The following CFAP46 variants were observed in gnomAD, a reference collection of about 807,000 sequenced individuals.
CFAP46 encodes the protein cilia- and flagella-associated protein 46.
A neutral mutation model predicts 325.7 loss-of-function variants in CFAP46; 245 were observed. The ratio of observed to expected loss-of-function variants is 0.75; its 90% confidence interval spans 0.68 to 0.84. The LOEUF is 0.84. Ranked by LOEUF, CFAP46 falls within the 40% of genes least tolerant of loss-of-function variation. The pLI is 0.00. For synonymous variants in CFAP46, 1,523 were observed against 1,495.9 expected (o/e 1.02, Z -0.42); for missense variants, 3,346 against 3,543.0 (o/e 0.94, Z 1.41).
At chr10:132,900,437 C>A (rs1024517995) in intron 22 of CFAP46, among the ~76,000 whole-genome samples, 2 of 152,260 alleles carry the variant, frequency 1.3e-5, no homozygotes, top group Non-Finnish European at 2.9e-5. Flanking sequence ...CACGCCCTTG[C>A]GGCTCAGCTC....
chr10:132,909,555 C>T (rs1381923029), intron 20 of CFAP46, among the ~76,000 whole-genome samples: 1 of 152,154 alleles, frequency 6.6e-6, no homozygotes, highest in Non-Finnish European at 1.5e-5. Context: ...ACACCTGGAC[C>T]CTCCCCGCCT....
At position 132,908,640 on chromosome 10, in the gene CFAP46, G is replaced by A. The variant is rs137975095; in HGVS notation, c.2758-6C>T. On this transcript the variant is annotated splice_region_variant and splice_polypyrimidine_tract_variant and intron_variant, in intron 21 of 57. Transcript: ENST00000368586. ...TCGGAAGCCATTTTCACCAACTTCC[G>A]GTGGGTGGCAAGAGAAGGGGCACCG... The A allele has an allele frequency of 9.9e-5, 152 of 1,528,610 alleles. No individual in the cohort carries two copies. In the African/African-American group the frequency reaches 1.5e-3, roughly 15 times the overall value. The allele number at this position is 1,528,610 out of a possible 1,614,324, so 94.7% of individuals were successfully genotyped here.
In CFAP46 at chr10:132,884,328, C is replaced by A. The variant is rs1399575304; in HGVS notation, c.3627+775G>T. Among the ~76,000 whole-genome samples the A allele has an allele frequency of 6.6e-6, 1 of 152,206 alleles. No homozygotes were observed. The highest frequency in any genetic ancestry group is 2.4e-5 in the African/African-American group (1 of 41,448). ...CCCTGAGCCGGCACTCACACAGCACCGTCAGAGACCCCCAACCATCCTCAG... is the reference window on the plus strand; with the variant it reads ...CCCTGAGCCGGCACTCACACAGCACAGTCAGAGACCCCCAACCATCCTCAG... On this transcript the variant is annotated intron_variant, in intron 27 of 57. Transcript: ENST00000368586. This position sits in a 1 kb window ranked among gnomAD's most constrained non-coding sequence, Gnocchi z 5.4.
rs1263819192 is a variant in CFAP46, at chr10:132,817,609, C to G, written c.7118-2695G>C. Among the ~76,000 whole-genome samples, 1 of 152,230 alleles carries G rather than the reference C, an allele frequency of 6.6e-6. No homozygotes were observed. Among genetic ancestry groups the G allele is most frequent in the Non-Finnish European group, 1.5e-5 (1 of 68,042 alleles). Reference sequence around the variant, plus strand: ...TATTTGTTGGGAGTTTGCACACCGACTCTCTGGTGGTGTCCTTAGCGCTTT... The same window carrying G: ...TATTTGTTGGGAGTTTGCACACCGAGTCTCTGGTGGTGTCCTTAGCGCTTT... On this transcript the variant is annotated intron_variant, in intron 50 of 57. Transcript: ENST00000368586. The surrounding 1 kb of genome is among the most constrained non-coding windows in gnomAD (Gnocchi z 4.4).
chr10:132,848,729 G>T (rs976013364), intron 41 of CFAP46, among the ~76,000 whole-genome samples: 1 of 152,186 alleles, frequency 6.6e-6, no homozygotes, highest in African/African-American at 2.4e-5. Flanking sequence ...GAAAATGGCA[G>T]CCCACTCGGG....
intron 50 of CFAP46, among the ~76,000 whole-genome samples, chr10:132,815,149 G>A (rs1459207179): frequency 6.6e-6 from 1 of 152,198 alleles, no homozygotes; most frequent in Non-Finnish European, 1.5e-5. Context: ...AAGGCTCCAA[G>A]GCCCACCTGG....
intron 19 of CFAP46, 49 bp downstream of exon 19, chr10:132,912,604 CCT>C (rs59827475): frequency 0.072 from 90,869 of 1,268,354 alleles, 38 homozygotes; most frequent in East Asian, 0.14. Context: ...TCTCCTCTCT[CCT>C]CTCTCTCTCT....
intron 7 of CFAP46, among the ~76,000 whole-genome samples, chr10:132,935,472 AG>A (rs1849981746): frequency 5.9e-5 from 7 of 119,320 alleles, no homozygotes; most frequent in South Asian, 2.9e-4. Flanking sequence ...CACTCCCCTC[AG>A]CACCCAAACA....
In CFAP46 at chr10:132,876,762, G is replaced by T; in HGVS notation, c.4362+50C>A. The T allele has an allele frequency of 1.3e-6, 2 of 1,520,890 alleles. No individual in the cohort carries two copies. The highest frequency in any genetic ancestry group is 1.3e-5 in the South Asian group (1 of 79,248). The allele number at this position is 1,520,890 out of a possible 1,614,324, so 94.2% of individuals were successfully genotyped here. ...ACTGGACTTGGGGACAGGTCAAGGG[G>T]ACACCATGCTGTGACCAAGGTCTTG... On this transcript the variant is annotated intron_variant, in intron 31 of 57. Coordinates refer to ENST00000368586, the MANE Select transcript of CFAP46 (RefSeq NM_001200049.3). This position sits in a 1 kb window ranked among gnomAD's most constrained non-coding sequence, Gnocchi z 4.1.
intron 32 of CFAP46, among the ~76,000 whole-genome samples, chr10:132,870,362 G>A (rs1404972714): frequency 1.3e-5 from 2 of 152,094 alleles, no homozygotes; most frequent in Non-Finnish European, 2.9e-5. Context: ...ACAGGCGCAC[G>A]TCTCTCACGT....
chr10:132,825,234 T>C (rs996184828), intron 50 of CFAP46, among the ~76,000 whole-genome samples: 1 of 150,594 alleles, frequency 6.6e-6, no homozygotes, highest in African/African-American at 2.4e-5. Context: ...GTGTGCTGTG[T>C]GTGTGCCCTG....
Position 132,938,695 on chromosome 10 carries a change from G to C in CFAP46, c.430C>G (p.Leu144Val). The change falls in exon 5 of 58, where the codon CTC becomes GTC. Residue 144 changes from leucine (L) to valine (V), a missense_variant. Physicochemically the swap from Leu to Val is conservative, Grantham distance 32. Transcript: ENST00000368586. ...VLYWQMVRPF[L>V]KPGYRHHLIP... is the part of the protein sequence containing the mutation. ...AGATGGTGACGATATCCAGGCTTGA[G>C]GAACGGCCTCACCATCTGCCAGTAG... 6.2e-7 allele frequency: 1 copy of C among 1,613,656 alleles called. No homozygotes were observed. Among genetic ancestry groups the C allele is most frequent in the East Asian group, 2.2e-5 (1 of 44,886 alleles).
chr10:132,928,164 G>C (rs1167170355), intron 9 of CFAP46, among the ~76,000 whole-genome samples: 1 of 152,228 alleles, frequency 6.6e-6, no homozygotes, highest in East Asian at 1.9e-4. Context: ...CAGTTCCACA[G>C]CAGCCCTTGG....
At chr10:132,822,770 CTGTGTGTGCACTTG>C (rs1211656602) in intron 50 of CFAP46, among the ~76,000 whole-genome samples, 1 of 124,022 alleles carries the variant, frequency 8.1e-6, no homozygotes, top group Non-Finnish European at 1.6e-5. Flanking sequence ...CTGATGTGTG[CTGTGTGTGCACTTG>C]TGTGTGCTGT....
chr10:132,932,392 TTCC>T (rs2135702134), intron 8 of CFAP46, among the ~76,000 whole-genome samples: 1 of 140,208 alleles, frequency 7.1e-6, no homozygotes, highest in Admixed American at 7.1e-5. Flanking sequence ...AGGCTGGGCC[TTCC>T]TCCTCCACAC....
Position 132,876,511 on chromosome 10 carries a change from G to A in CFAP46, c.4362+301C>T, listed in dbSNP as rs999590245. 2.6e-5 allele frequency among the ~76,000 whole-genome samples: 4 copies of A among 152,224 alleles called. No homozygotes were observed. The highest frequency in any genetic ancestry group is 5.9e-5 in the Non-Finnish European group (4 of 68,050). On this transcript the variant is annotated intron_variant, in intron 31 of 57. Transcript: ENST00000368586. The surrounding 1 kb of genome is among the most constrained non-coding windows in gnomAD (Gnocchi z 4.1). ...TTCGGCTTCCGGCCTCCAGAACCAT[G>A]AGGGGATCAATTTCTGTTGTTTTAA...
intron 22 of CFAP46, among the ~76,000 whole-genome samples, chr10:132,907,258 T>C (rs1007875603): frequency 6.6e-5 from 10 of 152,226 alleles, no homozygotes; most frequent in Admixed American, 2.6e-4. Context: ...AAAAAGAACC[T>C]CAAGGAAAAC....
At chr10:132,823,133 GCT>G (rs1385880561) in intron 50 of CFAP46, among the ~76,000 whole-genome samples, 10 of 140,902 alleles carry the variant, frequency 7.1e-5, no homozygotes, top group African/African-American at 1.1e-4. Flanking sequence ...GCTGATGTGT[GCT>G]CTGTGTGCTG....
rs769984744 is a variant in CFAP46, at chr10:132,814,925, C to A, written c.7118-11G>T. 1.2e-6 allele frequency: 2 copies of A among 1,613,888 alleles called. No individual in the cohort carries two copies. Among genetic ancestry groups the A allele is most frequent in the South Asian group, 2.2e-5 (2 of 91,072 alleles). ...TTTTCACGCCACCTTCTGTTGAAGA[C>A]AAGAAAGAGGCAGGGATGTTTGGCA... On this transcript the variant is annotated splice_polypyrimidine_tract_variant and intron_variant, in intron 50 of 57. Coordinates refer to ENST00000368586, the MANE Select transcript of CFAP46 (RefSeq NM_001200049.3).
Sources: allele counts gnomAD v4.1 joint callset (sites outside exome capture counted in the v4.1 genomes callset), GRCh38; gene constraint gnomAD v4.1.1; non-coding constraint Gnocchi (gnomAD v3.1); transcripts MANE v1.5; gene names NCBI Gene and HGNC (gene_info 2026-07-23, HGNC 2026-07-21).